Variants in CYP2C19 observed in about 807,000 individuals in gnomAD.
CYP2C19 encodes the protein cytochrome P450 family 2 subfamily C member 19.
In CYP2C19, 59 loss-of-function variants were observed where a neutral mutation model predicts 40.9. The observed-to-expected ratio is 1.44, with a 90% CI of 1.17 to 1.79. CYP2C19 has a LOEUF of 1.79. Among genes scored for constraint, CYP2C19 ranks in the 40% most tolerant of loss-of-function variants. The pLI, the probability that CYP2C19 is intolerant of heterozygous loss-of-function variation, is 0.00. For missense variants in CYP2C19, 754 were observed against 596.9 expected, an observed-to-expected ratio of 1.26 and a Z score of -2.74; for synonymous variants, 253 against 208.7, an observed-to-expected ratio of 1.21 and a Z score of -1.83.
chr10:94,793,099 T>C (rs1848625984), intron 5 of CYP2C19, among the ~76,000 whole-genome samples: 1 of 152,196 alleles, frequency 6.6e-6, no homozygotes. Flanking sequence ...TTCATTTCAT[T>C]CATTTGATCT....
At chr10:94,766,138 A>G (rs1050288725) in intron 1 of CYP2C19, among the ~76,000 whole-genome samples, 4 of 152,100 alleles carry the variant, frequency 2.6e-5, no homozygotes, top group Non-Finnish European at 5.9e-5. Flanking sequence ...TTAATTTGGT[A>G]AAGATCCAGT....
chr10:94,763,326 T>C (rs12773342), intron 1 of CYP2C19, among the ~76,000 whole-genome samples: 25,169 of 151,938 alleles, frequency 0.17, 2,278 homozygotes, highest in South Asian at 0.33. Context: ...GCTGTGGGTT[T>C]AGGACCAGCA....
intron 5 of CYP2C19, among the ~76,000 whole-genome samples, chr10:94,795,072 G>A (rs1403051085): frequency 2.0e-5 from 3 of 151,498 alleles, no homozygotes; most frequent in Non-Finnish European, 4.4e-5. Flanking sequence ...TGTTACATAT[G>A]TATACATGTG....
rs556882576 is a variant in CYP2C19 at position 94,829,914 on chromosome 10, G to A, written c.961+9277G>A. ...TGCAGGTCTGTTGGAATAACCTGCCGTGTGAGGTGTCAGTGTGCCCCTGCT... is the reference window on the plus strand; with the variant it reads ...TGCAGGTCTGTTGGAATAACCTGCCATGTGAGGTGTCAGTGTGCCCCTGCT... On this transcript the variant is annotated intron_variant, in intron 6 of 8. Coordinates refer to ENST00000371321, the MANE Select transcript of CYP2C19 (RefSeq NM_000769.4). Among the ~76,000 whole-genome samples the A allele has an allele frequency of 3.0e-3, 459 of 152,038 alleles. 3 individuals carry two copies. Among genetic ancestry groups the A allele is most frequent in the African/African-American group, 9.3e-3 (384 of 41,324 alleles).
intron 5 of CYP2C19, among the ~76,000 whole-genome samples, chr10:94,813,367 G>A (rs889598833): frequency 5.9e-5 from 9 of 151,826 alleles, no homozygotes; most frequent in African/African-American, 2.2e-4. Context: ...TAAGTCTGCC[G>A]AAGCTGCACC....
chr10:94,773,912 C>A (rs775115500), intron 1 of CYP2C19: 3 of 152,144 alleles, frequency 2.0e-5, no homozygotes, highest in Non-Finnish European at 4.4e-5. Flanking sequence ...CCATGTCCTG[C>A]TGATTGGTCC....
intron 5 of CYP2C19, among the ~76,000 whole-genome samples, chr10:94,796,558 G>A (rs1848690979): frequency 6.6e-6 from 1 of 152,038 alleles, no homozygotes; most frequent in Non-Finnish European, 1.5e-5. Context: ...TGATGGGGAT[G>A]GCATTGAATC....
chr10:94,790,688 A>T (rs1207325901), intron 5 of CYP2C19, among the ~76,000 whole-genome samples: 1 of 152,070 alleles, frequency 6.6e-6, no homozygotes, highest in Non-Finnish European at 1.5e-5. Flanking sequence ...CATCCCCGGG[A>T]TGAAGCCAAC....
chr10:94,778,439 C>G (rs1038689605), intron 3 of CYP2C19, among the ~76,000 whole-genome samples: 1 of 152,052 alleles, frequency 6.6e-6, no homozygotes, highest in Admixed American at 6.5e-5. Context: ...ACAAACAACC[C>G]CATCAAAAAG....
intron 5 of CYP2C19, among the ~76,000 whole-genome samples, chr10:94,784,821 C>G (rs1417050359): frequency 1.3e-5 from 2 of 152,000 alleles, no homozygotes; most frequent in South Asian, 4.1e-4. Flanking sequence ...AACTCTTGAC[C>G]TCAGGTGATC....
intron 6 of CYP2C19, among the ~76,000 whole-genome samples, chr10:94,837,095 G>A (rs936100759): frequency 2.0e-5 from 3 of 152,136 alleles, no homozygotes; most frequent in Non-Finnish European, 4.4e-5. Context: ...TGCTTCCTCT[G>A]GTATTTGGGA....
At chr10:94,844,956 C>T (rs1345292229) in intron 7 of CYP2C19, among the ~76,000 whole-genome samples, 3 of 152,190 alleles carry the variant, frequency 2.0e-5, no homozygotes, top group Non-Finnish European at 4.4e-5. Flanking sequence ...TCTTCATTCA[C>T]CCACCTGCAG....
intron 5 of CYP2C19, among the ~76,000 whole-genome samples, chr10:94,806,604 ATTAT>A (rs1048369876): frequency 2.1e-4 from 31 of 148,682 alleles, no homozygotes; most frequent in Non-Finnish European, 3.0e-4. Context: ...AGATTTACTT[ATTAT>A]TTATTTATTA....
At chr10:94,844,951 A>G (rs989084497) in intron 7 of CYP2C19, among the ~76,000 whole-genome samples, 1 of 152,182 alleles carries the variant, frequency 6.6e-6, no homozygotes, top group Non-Finnish European at 1.5e-5. Flanking sequence ...GAGCTTCTTC[A>G]TTCACCCACC....
intron 6 of CYP2C19, among the ~76,000 whole-genome samples, chr10:94,829,123 A>T (rs1165996744): frequency 6.6e-6 from 1 of 152,128 alleles, no homozygotes; most frequent in African/African-American, 2.4e-5. Context: ...AACTTTGGTG[A>T]AACTGACAAT....
chr10:94,852,628 C>A (rs555713798), intron 8 of CYP2C19, 105 bp from the exon 9 acceptor site: 3 of 1,249,432 alleles, frequency 2.4e-6, no homozygotes, highest in African/African-American at 1.5e-5. Flanking sequence ...TATGATTCAC[C>A]GAACAGTTCT....
At position 94,850,125 on chromosome 10, in the gene CYP2C19, A is replaced by T. The variant is rs1034093349; in HGVS notation, c.1291+67A>T. On this transcript the variant is annotated intron_variant, in intron 8 of 8. Transcript: ENST00000371321. ...TAACTTTTTTGATCAGTTGGAACTT[A>T]CATGTGCCTTCTCTGCAGTGGTACA... The T allele has an allele frequency of 5.1e-5, 80 of 1,559,572 alleles. No individual in the cohort carries two copies. In the African/African-American group the frequency reaches 9.9e-4, roughly 19 times the overall value.
Position 94,852,770 on chromosome 10 carries a change from G to A in CYP2C19, c.1329G>A (p.Met443Ile), listed in dbSNP as rs1373273817. 1.2e-6 allele frequency: 2 copies of A among 1,613,940 alleles called. No homozygotes were observed. Among genetic ancestry groups the A allele is most frequent in the African/African-American group, 1.3e-5 (1 of 74,930 alleles). Residue 443 changes from methionine to isoleucine, a missense_variant, in exon 9 of 9, where the codon ATG (methionine) becomes ATA (isoleucine). Coordinates refer to ENST00000371321, the MANE Select transcript of CYP2C19 (RefSeq NM_000769.4). ...RICVGEGLAR[M>I]ELFLFLTFIL... ...GTGTGGGAGAGGGCCTGGCCCGCATGGAGCTGTTTTTATTCCTGACCTTCA... is the reference window on the plus strand; with the variant it reads ...GTGTGGGAGAGGGCCTGGCCCGCATAGAGCTGTTTTTATTCCTGACCTTCA...
chr10:94,842,805 T>A (rs2134286623), intron 6 of CYP2C19, 32 bp from the exon 7 acceptor site: 1 of 1,610,550 alleles, frequency 6.2e-7, no homozygotes, highest in South Asian at 1.1e-5. Flanking sequence ...ATTTCTCTCC[T>A]TTTCCATCAG....
Sources: allele counts gnomAD v4.1 joint callset (sites outside exome capture counted in the v4.1 genomes callset), GRCh38; gene constraint gnomAD v4.1.1; transcripts MANE v1.5; gene names NCBI Gene and HGNC (gene_info 2026-07-23, HGNC 2026-07-21).